Variants in EIF3H observed in about 807,000 individuals in gnomAD.
EIF3H encodes the protein eukaryotic translation initiation factor 3 subunit H.
EIF3H carries 26 observed loss-of-function variants against 44.2 expected under a neutral mutation model. The observed-to-expected ratio is 0.59, with a 90% CI of 0.43 to 0.82. The LOEUF (loss-of-function observed/expected upper bound fraction) is 0.82, where lower values mean the gene tolerates loss of function less well. Ranked by LOEUF, EIF3H falls within the 40% of genes least tolerant of loss-of-function variation. The pLI, the probability that EIF3H is intolerant of heterozygous loss-of-function variation, is 0.00. For missense variants in EIF3H, 359 were observed against 432.8 expected, an observed-to-expected ratio of 0.83 and a Z score of 1.51; for synonymous variants, 166 against 151.9, an observed-to-expected ratio of 1.09 and a Z score of -0.68.
chr8:116,664,510 A>G (rs1443140016), intron 2 of EIF3H, among the ~76,000 whole-genome samples: 2 of 152,210 alleles, frequency 1.3e-5, no homozygotes, highest in Non-Finnish European at 2.9e-5. Flanking sequence ...CTCACCTTCA[A>G]TTCTTCATCC....
At chr8:116,719,262 C>T (rs1204642317) in intron 2 of EIF3H, among the ~76,000 whole-genome samples, 2 of 152,142 alleles carry the variant, frequency 1.3e-5, no homozygotes, top group Non-Finnish European at 2.9e-5. Flanking sequence ...GAATAAAAGA[C>T]AGTTACTAAC....
At chr8:116,664,822 T>C (rs150125644) in intron 2 of EIF3H, among the ~76,000 whole-genome samples, 1,719 of 152,316 alleles carry the variant, frequency 0.011, 33 homozygotes, top group African/African-American at 0.038. Flanking sequence ...CTTAATATTT[T>C]ATCAAATAAA....
At chr8:116,699,660 A>G (rs1374039965) in intron 2 of EIF3H, among the ~76,000 whole-genome samples, 2 of 152,210 alleles carry the variant, frequency 1.3e-5, no homozygotes, top group African/African-American at 4.8e-5. Flanking sequence ...CAATATACTC[A>G]CGTGGCAAAT....
At chr8:116,716,620 T>A (rs1044119671) in intron 2 of EIF3H, among the ~76,000 whole-genome samples, 1 of 152,046 alleles carries the variant, frequency 6.6e-6, no homozygotes, top group Non-Finnish European at 1.5e-5. Context: ...GTTACATAAA[T>A]CACAGGTGGT....
intron 2 of EIF3H, among the ~76,000 whole-genome samples, chr8:116,686,731 T>C (rs1399373917): frequency 1.3e-5 from 2 of 152,068 alleles, no homozygotes; most frequent in African/African-American, 4.8e-5. Context: ...AGGAAAGGCT[T>C]TGCAGAGGAA....
At chr8:116,723,372 C>T (rs948404845) in intron 2 of EIF3H, among the ~76,000 whole-genome samples, 1 of 152,054 alleles carries the variant, frequency 6.6e-6, no homozygotes, top group Non-Finnish European at 1.5e-5. Flanking sequence ...ACAGAGAAAT[C>T]TCAACCTTAA....
intron 2 of EIF3H, among the ~76,000 whole-genome samples, chr8:116,665,138 T>C (rs940171278): frequency 1.3e-5 from 2 of 152,250 alleles, no homozygotes; most frequent in Non-Finnish European, 1.5e-5. Context: ...TGGTGAAGTA[T>C]ACAGTAAATT....
At chr8:116,647,137 G>A (rs1282039022) in intron 6 of EIF3H, among the ~76,000 whole-genome samples, 2 of 151,868 alleles carry the variant, frequency 1.3e-5, no homozygotes, top group African/African-American at 4.8e-5. Flanking sequence ...CCAGGCTGGA[G>A]TGCAGTGGCA....
At position 116,645,029 on chromosome 8, in the gene EIF3H, C is replaced by T; in HGVS notation, c.1036G>A (p.Ala346Thr). ...TCTTAGTTGTTGTATTCTTGAAGAG[C>T]CTGGGCCATGAAGAGCTTGCCTAAG... ...QNLGKLFMAQ[A>T]LQEYNN The change falls in exon 8 of 8, where the codon GCT becomes ACT. Residue 346 changes from alanine to threonine, a missense_variant. By Grantham distance (58) the Ala-to-Thr change is moderately conservative. Coordinates refer to ENST00000521861, the MANE Select transcript of EIF3H (RefSeq NM_003756.3). 1 of 1,614,004 alleles carries T rather than the reference C, an allele frequency of 6.2e-7. No individual in the cohort carries two copies. The highest frequency in any genetic ancestry group is 1.1e-5 in the South Asian group (1 of 91,064).
chr8:116,713,346 C>T (rs1202748062), intron 2 of EIF3H, among the ~76,000 whole-genome samples: 1 of 151,994 alleles, frequency 6.6e-6, no homozygotes, highest in Non-Finnish European at 1.5e-5. Context: ...GAGAGTATAG[C>T]GTAAAGCACT....
Position 116,743,799 on chromosome 8 carries a change from A to ATATATAT in EIF3H, c.132+11866_132+11867insATATATA, listed in dbSNP as rs1563659950. Among the ~76,000 whole-genome samples, 700 of 86,670 alleles carry ATATATAT rather than the reference A, an allele frequency of 8.1e-3. 4 individuals carry two copies. Among genetic ancestry groups the ATATATAT allele is most frequent in the Non-Finnish European group, 0.012 (506 of 42,290 alleles). The allele number at this position is 86,670 out of a possible 152,430, so 56.9% of individuals were successfully genotyped here. ...ATATATATATATATATATATATATA[A>ATATATAT]ACACACACACACACACACACACACA... On this transcript the variant is annotated intron_variant, in intron 1 of 7. Coordinates refer to ENST00000521861, the MANE Select transcript of EIF3H (RefSeq NM_003756.3).
chr8:116,681,797 A>G (rs1040149878), intron 2 of EIF3H, among the ~76,000 whole-genome samples: 1 of 152,230 alleles, frequency 6.6e-6, no homozygotes. Flanking sequence ...TCTGTAAAAT[A>G]CTGTTCTGAT....
chr8:116,743,649 T>TA (rs1815167311), intron 1 of EIF3H, among the ~76,000 whole-genome samples: 1 of 149,984 alleles, frequency 6.7e-6, no homozygotes. Context: ...TCCCAGCTAC[T>TA]AGGGAGGCTA....
At chr8:116,759,636 G>A (rs1208338746), upstream of EIF3H, among the ~76,000 whole-genome samples, 1 of 152,146 alleles carries the variant, frequency 6.6e-6, no homozygotes, top group East Asian at 1.9e-4. Flanking sequence ...ACAACAGAGA[G>A]TATACATTTC....
At chr8:116,691,533 A>G (rs1814174116) in intron 2 of EIF3H, among the ~76,000 whole-genome samples, 1 of 151,814 alleles carries the variant, frequency 6.6e-6, no homozygotes, top group African/African-American at 2.4e-5. Flanking sequence ...AAATACCACC[A>G]ACAGGAAGCT....
At chr8:116,749,161 G>A (rs1305241669) in intron 1 of EIF3H, among the ~76,000 whole-genome samples, 1 of 152,156 alleles carries the variant, frequency 6.6e-6, no homozygotes, top group Admixed American at 6.5e-5. Context: ...TGGGTTTCAA[G>A]CACTGAATTA....
At chr8:116,763,977 A>G (rs1815543391) in intron 1 of EIF3H, among the ~76,000 whole-genome samples, 2 of 152,334 alleles carry the variant, frequency 1.3e-5, no homozygotes, top group Admixed American at 6.5e-5. Context: ...TCTCATGTCA[A>G]CTTGGCTTCA....
intron 6 of EIF3H, among the ~76,000 whole-genome samples, chr8:116,648,039 T>G (rs1262185358): frequency 6.6e-6 from 1 of 152,218 alleles, no homozygotes; most frequent in Non-Finnish European, 1.5e-5. Context: ...AGAGAAAATT[T>G]AAATACAACA....
At chr8:116,659,499 G>A (rs903880849) in intron 2 of EIF3H, among the ~76,000 whole-genome samples, 23 of 152,140 alleles carry the variant, frequency 1.5e-4, no homozygotes, top group Non-Finnish European at 4.4e-5. Flanking sequence ...GGCTGTAGCT[G>A]ATTCAAAATG....
Sources: allele counts gnomAD v4.1 joint callset (sites outside exome capture counted in the v4.1 genomes callset), GRCh38; gene constraint gnomAD v4.1.1; transcripts MANE v1.5; gene names NCBI Gene and HGNC (gene_info 2026-07-23, HGNC 2026-07-21).